Variants in SGMS1 observed in about 807,000 individuals in gnomAD.
SGMS1 encodes the protein phosphatidylcholine:ceramide cholinephosphotransferase 1.
SGMS1 carries 13 observed loss-of-function variants against 46.2 expected under a neutral mutation model. The observed-to-expected ratio is 0.28, with a 90% CI of 0.18 to 0.45. The LOEUF (loss-of-function observed/expected upper bound fraction) is 0.45, where lower values mean the gene tolerates loss of function less well. SGMS1 is among the 20% of genes least tolerant of loss of function. The pLI, the probability that SGMS1 is intolerant of heterozygous loss-of-function variation, is 1.00. For synonymous variants in SGMS1, 203 were observed against 187.8 expected (o/e 1.08, Z -0.66); for missense variants, 324 against 519.9 (o/e 0.62, Z 3.66).
intron 3 of SGMS1, among the ~76,000 whole-genome samples, chr10:50,479,426 C>T (rs907800957): frequency 6.6e-6 from 1 of 152,056 alleles, no homozygotes; most frequent in Non-Finnish European, 1.5e-5. Context: ...TTAGGAGTCC[C>T]AAGGCAAAAC....
chr10:50,382,205 G>C (rs1848616594), intron 6 of SGMS1, among the ~76,000 whole-genome samples: 1 of 152,102 alleles, frequency 6.6e-6, no homozygotes, highest in Non-Finnish European at 1.5e-5. Flanking sequence ...GTTGGTATCA[G>C]CTAATCTAAG....
intron 1 of SGMS1, among the ~76,000 whole-genome samples, chr10:50,621,691 G>A (rs552821073): frequency 6.6e-5 from 10 of 152,194 alleles, no homozygotes; most frequent in South Asian, 2.1e-4. Context: ...AAAAGTTTCC[G>A]GAAATTTCAA....
intron 2 of SGMS1, among the ~76,000 whole-genome samples, chr10:50,538,460 A>C (rs1478315591): frequency 7.0e-6 from 1 of 143,396 alleles, no homozygotes; most frequent in East Asian, 2.0e-4. Flanking sequence ...TCCATCTCAA[A>C]AAAAAAAAAA....
At chr10:50,612,790 C>A (rs1838762849) in intron 1 of SGMS1, among the ~76,000 whole-genome samples, 1 of 152,144 alleles carries the variant, frequency 6.6e-6, no homozygotes, top group East Asian at 1.9e-4. Context: ...CTCACTGCAG[C>A]CTCTGCTTCG....
chr10:50,521,833 C>T (rs1412395508), intron 2 of SGMS1, among the ~76,000 whole-genome samples: 1 of 152,168 alleles, frequency 6.6e-6, no homozygotes, highest in African/African-American at 2.4e-5. Flanking sequence ...AGTCTATCTG[C>T]CCCAGCTTGG....
At chr10:50,389,724 C>CT (rs1380073481) in intron 6 of SGMS1, among the ~76,000 whole-genome samples, 1 of 152,182 alleles carries the variant, frequency 6.6e-6, no homozygotes, top group African/African-American at 2.4e-5. Context: ...CCATAACTGG[C>CT]TAATTCAGCC....
chr10:50,312,035 C>T (rs530708109), intron 8 of SGMS1, among the ~76,000 whole-genome samples: 2 of 152,058 alleles, frequency 1.3e-5, no homozygotes, highest in African/African-American at 2.4e-5. Context: ...GGCTGGACAC[C>T]GGAGTAATAA....
At chr10:50,586,403 C>T (rs1838484732) in intron 2 of SGMS1, among the ~76,000 whole-genome samples, 1 of 152,254 alleles carries the variant, frequency 6.6e-6, no homozygotes, top group South Asian at 2.1e-4. Flanking sequence ...GAACAACTGG[C>T]TTCCGGGGAT....
intron 2 of SGMS1, among the ~76,000 whole-genome samples, chr10:50,575,879 A>T (rs537665410): frequency 3.7e-4 from 56 of 152,102 alleles, no homozygotes; most frequent in African/African-American, 1.3e-3. Context: ...TCAAAACAGA[A>T]ATAAAGGAAA....
chr10:50,413,445 C>T (rs373580995), intron 6 of SGMS1, among the ~76,000 whole-genome samples: 7 of 152,178 alleles, frequency 4.6e-5, no homozygotes, highest in East Asian at 1.9e-4. Flanking sequence ...TTGGTGATTT[C>T]GTTAAAGCAA....
intron 1 of SGMS1, among the ~76,000 whole-genome samples, chr10:50,608,881 T>C (rs1054952878): frequency 6.6e-6 from 1 of 152,236 alleles, no homozygotes; most frequent in Admixed American, 6.5e-5. Context: ...GATATTTGCA[T>C]ATAACCTACA....
At chr10:50,360,269 A>G (rs1000490364) in intron 6 of SGMS1, among the ~76,000 whole-genome samples, 2 of 152,222 alleles carry the variant, frequency 1.3e-5, no homozygotes, top group African/African-American at 4.8e-5. Context: ...ATCCAAGTGC[A>G]TAAAGCAACT....
chr10:50,507,559 C>G (rs1198293365), intron 3 of SGMS1, among the ~76,000 whole-genome samples: 4 of 152,224 alleles, frequency 2.6e-5, no homozygotes, highest in African/African-American at 7.2e-5. Context: ...GAAATCAGGC[C>G]TGAGCCATGG....
At chr10:50,394,897 T>C (rs1369316511) in intron 6 of SGMS1, among the ~76,000 whole-genome samples, 1 of 152,192 alleles carries the variant, frequency 6.6e-6, no homozygotes, top group Non-Finnish European at 1.5e-5. Flanking sequence ...ATGATTAAGC[T>C]TTTTAAAGTA....
At chr10:50,464,702 GT>G (rs1837309141) in intron 4 of SGMS1, among the ~76,000 whole-genome samples, 1 of 152,220 alleles carries the variant, frequency 6.6e-6, no homozygotes, top group Non-Finnish European at 1.5e-5. Context: ...CCAAAGTGCT[GT>G]GTTTACAGGC....
intron 6 of SGMS1, among the ~76,000 whole-genome samples, chr10:50,364,918 G>T (rs1237212093): frequency 6.6e-6 from 1 of 152,000 alleles, no homozygotes; most frequent in South Asian, 2.1e-4. Flanking sequence ...ATAACCTGAG[G>T]ACTTTGGAAG....
At chr10:50,591,499 T>C (rs1384665607) in intron 1 of SGMS1, among the ~76,000 whole-genome samples, 1 of 152,156 alleles carries the variant, frequency 6.6e-6, no homozygotes, top group Non-Finnish European at 1.5e-5. Flanking sequence ...CTATAATCAT[T>C]ATTACCAATT....
intron 3 of SGMS1, among the ~76,000 whole-genome samples, chr10:50,483,974 A>G: frequency 6.6e-6 from 1 of 152,312 alleles, no homozygotes; most frequent in East Asian, 1.9e-4. Context: ...TAACATCATA[A>G]GTAAAAGAAC....
intron 6 of SGMS1, among the ~76,000 whole-genome samples, chr10:50,351,154 A>T (rs763379731): frequency 3.9e-5 from 6 of 152,180 alleles, no homozygotes; most frequent in Non-Finnish European, 5.9e-5. Context: ...TTGGAGCTTT[A>T]ATATTTGACT....
Sources: gnomAD v4.1 joint callset for allele counts (sites outside exome capture counted in the v4.1 genomes callset) on GRCh38, gnomAD v4.1.1 for gene constraint, MANE v1.5 for transcripts, NCBI Gene and HGNC (gene_info 2026-07-23, HGNC 2026-07-21) for gene names.